Variants in MVB12B observed in about 807,000 individuals in gnomAD.
MVB12B encodes multivesicular body subunit 12B, also known as ESCRT-I complex subunit MVB12B.
MVB12B carries 16 observed loss-of-function variants against 41.6 expected under a neutral mutation model. The observed-to-expected ratio is 0.38, with a 90% CI of 0.26 to 0.58. The LOEUF (loss-of-function observed/expected upper bound fraction) is 0.58, where lower values mean the gene tolerates loss of function less well. MVB12B is among the 20% of genes least tolerant of loss of function. MVB12B has a pLI of 0.62. For missense variants in MVB12B, 274 were observed against 380.2 expected, an observed-to-expected ratio of 0.72 and a Z score of 2.32; for synonymous variants, 133 against 139.7, an observed-to-expected ratio of 0.95 and a Z score of 0.34.
chr9:126,464,670 C>T (rs926210406), intron 7 of MVB12B, among the ~76,000 whole-genome samples: 1 of 152,236 alleles, frequency 6.6e-6, no homozygotes, highest in African/African-American at 2.4e-5. Context: ...TTCACTTTCA[C>T]ACCTTCTCGA....
At chr9:126,465,372 C>T (rs1422757273) in intron 7 of MVB12B, among the ~76,000 whole-genome samples, 1 of 152,114 alleles carries the variant, frequency 6.6e-6, no homozygotes, top group African/African-American at 2.4e-5. Context: ...CCCCTCAGAC[C>T]AATTGAATCA....
chr9:126,386,620 C>T lies in MVB12B; in HGVS notation c.371C>T (p.Pro124Leu). 1 of 1,614,078 alleles carries T rather than the reference C, an allele frequency of 6.2e-7. No individual in the cohort carries two copies. Among genetic ancestry groups the T allele is most frequent in the South Asian group, 1.1e-5 (1 of 91,084 alleles). ...CTCATTGACATCAAGGACACACTGC[C>T]TGTGGGCTTCATCCCAATTCAGGAG... is the stretch of plus-strand genomic sequence containing the variant. ...MKLIDIKDTL[P>L]VGFIPIQETV... Residue 124 changes from proline to leucine, a missense_variant, in exon 4 of 10, where the codon CCT becomes CTT. Transcript: ENST00000361171. This position sits in a 1 kb window ranked among gnomAD's most constrained non-coding sequence, Gnocchi z 4.3.
intron 6 of MVB12B, among the ~76,000 whole-genome samples, chr9:126,420,737 T>A (rs1107793): frequency 0.13 from 19,591 of 151,964 alleles, 1,705 homozygotes; most frequent in East Asian, 0.4. Context: ...GAGACAGGGT[T>A]TCACCATGTT....
At chr9:126,354,444 G>T (rs1564286759) in intron 2 of MVB12B, among the ~76,000 whole-genome samples, 2 of 152,288 alleles carry the variant, frequency 1.3e-5, no homozygotes, top group Non-Finnish European at 2.9e-5. Context: ...AAACTAGGAG[G>T]TGATATTTTT....
At chr9:126,387,816 A>T (rs193194094) in intron 4 of MVB12B, among the ~76,000 whole-genome samples, 2 of 152,332 alleles carry the variant, frequency 1.3e-5, no homozygotes, top group East Asian at 3.9e-4. Context: ...CCCATTTCAG[A>T]TATGAGAAAA....
At chr9:126,417,742 T>A (rs1831868833) in intron 6 of MVB12B, among the ~76,000 whole-genome samples, 1 of 152,146 alleles carries the variant, frequency 6.6e-6, no homozygotes, top group Non-Finnish European at 1.5e-5. Flanking sequence ...GGGAACAGGT[T>A]TATATCAGAT....
intron 3 of MVB12B, 129 bp downstream of exon 3, chr9:126,381,300 G>T: frequency 1.5e-6 from 1 of 680,528 alleles, no homozygotes; most frequent in South Asian, 1.7e-5. Flanking sequence ...TGGTTTTAGT[G>T]AACTGGGTAG....
In MVB12B at chr9:126,327,416, G is replaced by A. The variant is rs998385970; in HGVS notation, c.81+406G>A. 4.9e-6 allele frequency: 4 copies of A among 809,242 alleles called. No individual in the cohort carries two copies. The African/African-American group carries it at 7.4e-5, about 15-fold the overall frequency. 50.1% of individuals were successfully genotyped at this position (809,242 alleles called of 1,614,324 possible). A position where few individuals can be genotyped will look rare whatever the true frequency, so the allele number is the denominator to read the frequency against. ...CTGGGGTCCTGCTCTCTCTGGTCACGTGGGTGCAGACCAACGTGCACCTGC... is the reference window on the plus strand; with the variant it reads ...CTGGGGTCCTGCTCTCTCTGGTCACATGGGTGCAGACCAACGTGCACCTGC... On this transcript the variant is annotated intron_variant, in intron 1 of 9. Coordinates refer to ENST00000361171, the MANE Select transcript of MVB12B (RefSeq NM_033446.3).
chr9:126,434,448 A>T (rs1213595642), intron 7 of MVB12B, among the ~76,000 whole-genome samples: 2 of 152,188 alleles, frequency 1.3e-5, no homozygotes, highest in Non-Finnish European at 2.9e-5. Context: ...AGCATGAACG[A>T]TCGCATGATC....
intron 7 of MVB12B, among the ~76,000 whole-genome samples, chr9:126,458,572 C>G (rs1469968477): frequency 6.6e-6 from 1 of 152,092 alleles, no homozygotes; most frequent in African/African-American, 2.4e-5. Flanking sequence ...GAACAGGCGC[C>G]AGGTCTCCTG....
chr9:126,458,787 A>C (rs1405139248), intron 7 of MVB12B, among the ~76,000 whole-genome samples: 1 of 152,196 alleles, frequency 6.6e-6, no homozygotes, highest in Non-Finnish European at 1.5e-5. Context: ...TTACTCAGGG[A>C]AGCACAGAAA....
At chr9:126,377,273 T>C (rs917392130) in intron 2 of MVB12B, among the ~76,000 whole-genome samples, 1 of 152,134 alleles carries the variant, frequency 6.6e-6, no homozygotes, top group African/African-American at 2.4e-5. Context: ...TGAGTGTGAG[T>C]GTGCAAGAGC....
At position 126,351,483 on chromosome 9, in the gene MVB12B, C is replaced by T. The variant is rs1332105025; in HGVS notation, c.204+10853C>T. ...GGTGGAAAACATTCAGTCTTTCACT[C>T]TTTTTTTTTTTTTTTTTTTTTTTGA... is the stretch of plus-strand genomic sequence containing the variant. On this transcript the variant is annotated intron_variant, in intron 2 of 9. Transcript: ENST00000361171. Among the ~76,000 whole-genome samples the T allele has an allele frequency of 1.1e-3, 91 of 86,318 alleles. No individual in the cohort carries two copies. The Middle Eastern group carries it at 0.06, about 57-fold the overall frequency. 56.6% of individuals were successfully genotyped at this position (86,318 alleles called of 152,430 possible). A position where few individuals can be genotyped will look rare whatever the true frequency, so the allele number is the denominator to read the frequency against.
rs1449376985 is a variant in MVB12B, at chr9:126,373,469, G to A, written c.205-7595G>A. ...CCTATGAACTTCATTCTTGTTCATCGTGTCAGCCAGATATTTCCTTTGGAA... is the reference window on the plus strand; with the variant it reads ...CCTATGAACTTCATTCTTGTTCATCATGTCAGCCAGATATTTCCTTTGGAA... On this transcript the variant is annotated intron_variant, in intron 2 of 9. Transcript: ENST00000361171. 6.6e-5 allele frequency among the ~76,000 whole-genome samples: 10 copies of A among 152,314 alleles called. No homozygotes were observed. The East Asian group carries it at 1.5e-3, about 24-fold the overall frequency.
At position 126,395,182 on chromosome 9, in the gene MVB12B, C is replaced by A. The variant is rs1831074553; in HGVS notation, c.540-393C>A. On this transcript the variant is annotated intron_variant, in intron 5 of 9. Coordinates refer to ENST00000361171, the MANE Select transcript of MVB12B (RefSeq NM_033446.3). This position sits in a 1 kb window ranked among gnomAD's most constrained non-coding sequence, Gnocchi z 4.9. ...TATAGAGTAGGGGGCTAATTCTTCT[C>A]ATGGTTAAAAACCAGCATCTCCCTA... is the stretch of plus-strand genomic sequence containing the variant. Among the ~76,000 whole-genome samples the A allele has an allele frequency of 6.6e-6, 1 of 152,324 alleles. No individual in the cohort carries two copies. The highest frequency in any genetic ancestry group is 3.4e-3 in the Middle Eastern group (1 of 294).
At chr9:126,403,006 A>C (rs1362582531) in intron 6 of MVB12B, among the ~76,000 whole-genome samples, 2 of 152,250 alleles carry the variant, frequency 1.3e-5, no homozygotes, top group Non-Finnish European at 2.9e-5. Flanking sequence ...GGAGGGGTCG[A>C]ACCTGAACAC....
At chr9:126,349,338 C>T (rs1829685552) in intron 2 of MVB12B, among the ~76,000 whole-genome samples, 1 of 152,162 alleles carries the variant, frequency 6.6e-6, no homozygotes, top group South Asian at 2.1e-4. Context: ...CCAAGGCATG[C>T]ACACAAGCAA....
intron 7 of MVB12B, among the ~76,000 whole-genome samples, chr9:126,429,008 C>T (rs1349259056): frequency 6.6e-6 from 1 of 152,062 alleles, no homozygotes; most frequent in Non-Finnish European, 1.5e-5. Flanking sequence ...GGTGGGTGAG[C>T]GTATGGGAGG....
chr9:126,347,009 G>T (rs759143619), intron 2 of MVB12B, among the ~76,000 whole-genome samples: 4 of 152,226 alleles, frequency 2.6e-5, no homozygotes, highest in Non-Finnish European at 5.9e-5. Flanking sequence ...GGGAGGCCAG[G>T]GCATAGCGGG....
Sources: allele counts gnomAD v4.1 joint callset (sites outside exome capture counted in the v4.1 genomes callset), GRCh38; gene constraint gnomAD v4.1.1; non-coding constraint Gnocchi (gnomAD v3.1); transcripts MANE v1.5; gene names NCBI Gene and HGNC (gene_info 2026-07-23, HGNC 2026-07-21).